The following NPFFR2 variants were observed in gnomAD, a reference collection of about 807,000 sequenced individuals.
NPFFR2 encodes the protein neuropeptide FF receptor 2, also known as G-protein coupled receptor 74.
NPFFR2 carries 15 observed loss-of-function variants against 13.1 expected under a neutral mutation model. The observed-to-expected ratio is 1.15, with a 90% confidence interval of 0.77 to 1.76. The LOEUF (loss-of-function observed/expected upper bound fraction) is 1.76, where lower values mean the gene tolerates loss of function less well. Among genes scored for constraint, NPFFR2 ranks in the 40% most tolerant of loss-of-function variants. The probability of loss-of-function intolerance (pLI) is 0.00; values close to 1 mark genes in which losing one functional copy is unlikely to be tolerated. For synonymous variants in NPFFR2, 190 were observed against 175.7 expected, an observed-to-expected ratio of 1.08 and a Z score of -0.65; for missense variants, 572 against 503.5, an observed-to-expected ratio of 1.14 and a Z score of -1.30.
At chr4:72,071,314 A>T (rs72856103) in intron 1 of NPFFR2, among the ~76,000 whole-genome samples, 4,813 of 152,252 alleles carry the variant, frequency 0.032, 246 homozygotes, top group African/African-American at 0.11. Context: ...TACTAAGGTC[A>T]GAGGTACAGG....
chr4:72,043,237 G>T (rs1719279581), intron 1 of NPFFR2, among the ~76,000 whole-genome samples: 1 of 148,218 alleles, frequency 6.7e-6, no homozygotes, highest in Admixed American at 6.7e-5. Flanking sequence ...GGATGTCCAG[G>T]CAGAGGTATG....
At chr4:72,070,810 T>A (rs1720230706) in intron 1 of NPFFR2, among the ~76,000 whole-genome samples, 1 of 151,946 alleles carries the variant, frequency 6.6e-6, no homozygotes, top group Non-Finnish European at 1.5e-5. Context: ...TACTAAGGGG[T>A]GGATGCATAG....
chr4:72,103,643 T>C (rs1254480739), intron 1 of NPFFR2, among the ~76,000 whole-genome samples: 1 of 151,958 alleles, frequency 6.6e-6, no homozygotes, highest in Non-Finnish European at 1.5e-5. Flanking sequence ...TAATTGTATA[T>C]CATCAAAAAA....
intron 1 of NPFFR2, among the ~76,000 whole-genome samples, chr4:72,127,303 C>CA (rs772559589): frequency 0.54 from 6,202 of 11,388 alleles, 2,730 homozygotes; most frequent in Non-Finnish European, 0.7. Flanking sequence ...GACTCCATCT[C>CA]AAAAAAAAAA....
At chr4:72,055,052 C>T (rs1023253664) in intron 1 of NPFFR2, among the ~76,000 whole-genome samples, 4 of 151,788 alleles carry the variant, frequency 2.6e-5, no homozygotes, top group African/African-American at 9.7e-5. Context: ...TACTATTAAA[C>T]TACTAATATA....
intron 1 of NPFFR2, among the ~76,000 whole-genome samples, chr4:72,038,948 A>C (rs34715061): frequency 0.37 from 46,204 of 124,446 alleles, 8,302 homozygotes; most frequent in East Asian, 0.7. Flanking sequence ...TCTGTCGCCC[A>C]GGCTAGAGTG....
At chr4:72,127,846 A>G (rs13434779) in intron 1 of NPFFR2, among the ~76,000 whole-genome samples, 10,652 of 151,888 alleles carry the variant, frequency 0.07, 1,140 homozygotes, top group African/African-American at 0.23. Context: ...TTGGGAGGCT[A>G]AGGTGGGTGG....
intron 1 of NPFFR2, among the ~76,000 whole-genome samples, chr4:72,070,575 G>GTGTGTGTGTGAGT (rs1291179971): frequency 7.3e-6 from 1 of 136,420 alleles, no homozygotes; most frequent in Admixed American, 7.4e-5. Context: ...GGGGGGGGTG[G>GTGTGTGTGTGAGT]GGCTCTGGTG....
chr4:72,056,133 T>C (rs1246627644), intron 1 of NPFFR2, among the ~76,000 whole-genome samples: 2 of 152,026 alleles, frequency 1.3e-5, no homozygotes, highest in East Asian at 3.9e-4. Context: ...TGGAAGAAGA[T>C]GCCATTGAGG....
At chr4:72,066,062 G>A (rs937717242) in intron 1 of NPFFR2, among the ~76,000 whole-genome samples, 2 of 152,192 alleles carry the variant, frequency 1.3e-5, no homozygotes, top group African/African-American at 2.4e-5. Context: ...ACAGAAATTT[G>A]TTTTCCCATA....
chr4:72,115,369 A>T (rs1236498654), intron 1 of NPFFR2, among the ~76,000 whole-genome samples: 2 of 152,180 alleles, frequency 1.3e-5, no homozygotes, highest in Non-Finnish European at 2.9e-5. Context: ...GTCAGCCAAC[A>T]TCAGATATCA....
intron 1 of NPFFR2, among the ~76,000 whole-genome samples, chr4:72,057,084 G>C (rs147557205): frequency 1.3e-5 from 2 of 151,986 alleles, no homozygotes; most frequent in African/African-American, 4.8e-5. Flanking sequence ...GAATATATTG[G>C]TTCATACTGA....
chr4:72,041,861 G>C (rs1215530817), intron 1 of NPFFR2, among the ~76,000 whole-genome samples: 3 of 152,108 alleles, frequency 2.0e-5, no homozygotes, highest in African/African-American at 7.2e-5. Context: ...CTTGATTTAA[G>C]CTCCTTATAG....
chr4:72,132,032 G>A (rs1722260111), intron 2 of NPFFR2, among the ~76,000 whole-genome samples: 1 of 151,564 alleles, frequency 6.6e-6, no homozygotes, highest in Non-Finnish European at 1.5e-5. Flanking sequence ...TTTAATTCAG[G>A]GGTACATGTA....
intron 1 of NPFFR2, among the ~76,000 whole-genome samples, chr4:72,110,494 T>A (rs1422022066): frequency 6.6e-6 from 1 of 151,974 alleles, no homozygotes; most frequent in Non-Finnish European, 1.5e-5. Flanking sequence ...ATTTCTAATT[T>A]CTGAGTGAAC....
chr4:72,070,551 GT>G (rs1720214061), intron 1 of NPFFR2, among the ~76,000 whole-genome samples: 2 of 2,756 alleles, frequency 7.3e-4, no homozygotes, highest in East Asian at 7.1e-3. Context: ...TCGTGTGTGT[GT>G]GTGTGTGTGG....
At chr4:72,145,694 G>T (rs1722759886) in intron 3 of NPFFR2, among the ~76,000 whole-genome samples, 1 of 152,164 alleles carries the variant, frequency 6.6e-6, no homozygotes, top group South Asian at 2.1e-4. Flanking sequence ...AGGCTAACTA[G>T]TCATTCTATG....
At chr4:72,048,131 C>T (rs1265326249) in intron 1 of NPFFR2, among the ~76,000 whole-genome samples, 1 of 151,998 alleles carries the variant, frequency 6.6e-6, no homozygotes, top group Admixed American at 6.6e-5. Context: ...TATATATATA[C>T]ACACGTACGT....
intron 1 of NPFFR2, among the ~76,000 whole-genome samples, chr4:72,122,854 A>C (rs1721928091): frequency 1.3e-5 from 2 of 152,224 alleles, no homozygotes; most frequent in African/African-American, 2.4e-5. Context: ...TAGAGAAGCA[A>C]GAGCAAACAA....
Sources: allele counts gnomAD v4.1 joint callset (sites outside exome capture counted in the v4.1 genomes callset), GRCh38; gene constraint gnomAD v4.1.1; transcripts MANE v1.5; gene names NCBI Gene and HGNC (gene_info 2026-07-23, HGNC 2026-07-21).